Variants in UVSSA observed in about 807,000 individuals in gnomAD.
UVSSA encodes UV-stimulated scaffold protein A.
In UVSSA, 72 loss-of-function variants were observed where a neutral mutation model predicts 73.9. The ratio of observed to expected loss-of-function variants is 0.97; its 90% CI spans 0.81 to 1.19. The LOEUF (loss-of-function observed/expected upper bound fraction) is 1.19, where lower values mean the gene tolerates loss of function less well. UVSSA is among the 50% of genes most tolerant of loss of function. The probability of loss-of-function intolerance (pLI) is 0.00; values close to 1 mark genes in which losing one functional copy is unlikely to be tolerated. For synonymous variants in UVSSA, 454 were observed against 391.3 expected (o/e 1.16, Z -1.89); for missense variants, 1,150 against 965.0 (o/e 1.19, Z -2.54).
At chr4:1,359,166 G>A (rs28540746) in intron 7 of UVSSA, 22,665 of 152,258 alleles carry the variant, frequency 0.15, 1,944 homozygotes, top group African/African-American at 0.23. Flanking sequence ...CATTTGGAGT[G>A]CCTCTGAGTG....
chr4:1,367,570 C>T (rs1180390291), intron 8 of UVSSA, among the ~76,000 whole-genome samples: 1 of 152,124 alleles, frequency 6.6e-6, no homozygotes, highest in Non-Finnish European at 1.5e-5. Flanking sequence ...TGGGGCCGCC[C>T]AGGGAGGGCC....
Position 1,353,164 on chromosome 4 carries a change from TC to T in UVSSA, c.687del (p.Ser230ProfsTer85). 1 of 1,612,856 alleles carries T rather than the reference TC, an allele frequency of 6.2e-7. No individual in the cohort carries two copies. The highest frequency in any genetic ancestry group is 8.5e-7 in the Non-Finnish European group (1 of 1,179,974). On this transcript the variant is annotated frameshift_variant, in exon 5 of 14. Transcript: ENST00000389851. LOFTEE classifies it high-confidence loss of function. ...TTCTGGCATGTCCGATGCCCTTCGC[TC>T]CTCCTGCGCGGGCCAGGTGGGCCCC... The part of the protein sequence containing the change: ...MASGMSDALR[S>X]SCAGQVGPCR...
At chr4:1,360,621 C>T (rs1716490358) in intron 7 of UVSSA, among the ~76,000 whole-genome samples, 2 of 152,210 alleles carry the variant, frequency 1.3e-5, no homozygotes, top group Admixed American at 6.5e-5. Flanking sequence ...TGGGCCCTGG[C>T]TGCACTCTCC....
intron 12 of UVSSA, 70 bp from the exon 13 acceptor site, chr4:1,383,696 C>G: frequency 6.3e-7 from 1 of 1,594,122 alleles, no homozygotes; most frequent in Non-Finnish European, 8.5e-7. Flanking sequence ...AGAGCCCCTC[C>G]TGGGGGCCTC....
intron 12 of UVSSA, among the ~76,000 whole-genome samples, chr4:1,381,591 T>G (rs969409912): frequency 6.6e-6 from 1 of 152,038 alleles, no homozygotes; most frequent in African/African-American, 2.4e-5. Context: ...CTCGGGCCCA[T>G]CTGCCCACCC....
chr4:1,364,887 C>G (rs1717113929), intron 7 of UVSSA, among the ~76,000 whole-genome samples: 1 of 152,198 alleles, frequency 6.6e-6, no homozygotes, highest in Admixed American at 6.5e-5. Context: ...AATGACCGCC[C>G]TGCTGTGCTG....
chr4:1,354,796 A>C lies in UVSSA; in HGVS notation c.996A>C (p.Thr332=), dbSNP rs1257508687. Residue 332 remains threonine, a synonymous_variant, in exon 6 of 14, where the codon ACA becomes ACC. Coordinates refer to ENST00000389851, the MANE Select transcript of UVSSA (RefSeq NM_020894.4). The part of the protein sequence containing the change: ...NLALIHAARD[T]LKLIRNKFLP... The stretch of plus-strand genomic sequence containing the variant: ...CTCTCATCCACGCCGCCCGCGACAC[A>C]CTCAAGCTCATCCGGAACAAGTTCC... The C allele has an allele frequency of 6.2e-7, 1 of 1,613,036 alleles. No individual in the cohort carries two copies. Among genetic ancestry groups the C allele is most frequent in the Non-Finnish European group, 8.5e-7 (1 of 1,179,792 alleles).
exon 14 of UVSSA, chr4:1,393,064 A>G (rs923576261): frequency 1.3e-5 from 2 of 152,098 alleles, no homozygotes; most frequent in East Asian, 1.9e-4. Context: ...GACTCCAGCT[A>G]CGTGTGTTGA....
intron 8 of UVSSA, among the ~76,000 whole-genome samples, chr4:1,371,459 C>T (rs182420052): frequency 2.1e-4 from 32 of 152,194 alleles, no homozygotes; most frequent in African/African-American, 6.7e-4. Context: ...GTCAGTTCCG[C>T]GTGTGTGTTG....
At chr4:1,364,035 G>A (rs1241894786) in intron 7 of UVSSA, among the ~76,000 whole-genome samples, 35 of 40,068 alleles carry the variant, frequency 8.7e-4, no homozygotes, top group Admixed American at 2.0e-3. Flanking sequence ...GCTGGTGCCC[G>A]GGCCCCGTGG....
chr4:1,354,059 TC>T (rs1365188765), intron 5 of UVSSA, among the ~76,000 whole-genome samples: 1 of 152,182 alleles, frequency 6.6e-6, no homozygotes, highest in Admixed American at 6.5e-5. Flanking sequence ...TGAGGAACCT[TC>T]TTCTTTGGAA....
chr4:1,382,830 C>G (rs1719664449), intron 12 of UVSSA, among the ~76,000 whole-genome samples: 1 of 152,222 alleles, frequency 6.6e-6, no homozygotes, highest in African/African-American at 2.4e-5. Flanking sequence ...GTGGCCTGGT[C>G]CCACTGGCTC....
chr4:1,394,325 T>C, exon 14 of UVSSA: 2 of 1,057,472 alleles, frequency 1.9e-6, no homozygotes, highest in Non-Finnish European at 2.7e-6. Context: ...TTTTGTGTTC[T>C]ACTTAGAATG....
In UVSSA at chr4:1,349,546, C is replaced by G; in HGVS notation, c.121C>G (p.Arg41Gly). ...CAGGTCTTCAGAGGAGCAGCTGAGC[C>G]GCGCCTACCGCCTGCTGATAGCACA... ...ICKSSEEQLS[R>G]AYRLLIAQLT... The change falls in exon 3 of 14, where the codon CGC becomes GGC. Residue 41 changes from arginine to glycine, a missense_variant. By Grantham distance (125) the Arg-to-Gly change is moderately radical. Coordinates refer to ENST00000389851, the MANE Select transcript of UVSSA (RefSeq NM_020894.4). 1 of 1,613,480 alleles carries G rather than the reference C, an allele frequency of 6.2e-7. No individual in the cohort carries two copies. The highest frequency in any genetic ancestry group is 8.5e-7 in the Non-Finnish European group (1 of 1,179,830).
chr4:1,354,996 C>A, intron 6 of UVSSA, 121 bp from the exon 7 acceptor site: 2 of 1,532,860 alleles, frequency 1.3e-6, no homozygotes, highest in South Asian at 1.3e-5. Flanking sequence ...GCTTTGTCCT[C>A]TGCATCCCAG....
Position 1,353,329 on chromosome 4 carries a change from G to T in UVSSA, c.850G>T (p.Asp284Tyr). The change falls in exon 5 of 14, where the codon GAC becomes TAC. Residue 284 changes from aspartate (D) to tyrosine (Y), a missense_variant. By Grantham distance (160) the Asp-to-Tyr change is radical. Transcript: ENST00000389851. Reference protein sequence around the residue: ...QTATGDPSDEDEDSDLEEFVR... With the variant: ...QTATGDPSDEYEDSDLEEFVR... ...AGCCACAGGTGACCCCTCAGATGAG[G>T]ACGAGGACAGCGACCTCGAGGAGTT... 6.2e-7 allele frequency: 1 copy of T among 1,611,732 alleles called. No individual in the cohort carries two copies.
intron 7 of UVSSA, among the ~76,000 whole-genome samples, chr4:1,364,667 G>A (rs1175639639): frequency 4.6e-5 from 7 of 152,102 alleles, no homozygotes; most frequent in East Asian, 1.9e-4. Context: ...TCTCTCTCCC[G>A]GGAAGTTTCC....
chr4:1,380,304 C>T (rs1189700899), intron 11 of UVSSA, 74 bp downstream of exon 11: 3 of 1,512,650 alleles, frequency 2.0e-6, no homozygotes, highest in Middle Eastern at 2.3e-4. Context: ...TGCTGAGCCC[C>T]ACCTGCCCCT....
chr4:1,361,423 G>A (rs939910073), intron 7 of UVSSA, among the ~76,000 whole-genome samples: 1 of 152,058 alleles, frequency 6.6e-6, no homozygotes, highest in Non-Finnish European at 1.5e-5. Flanking sequence ...TTATAGTAAA[G>A]AACCAGTCAT....
Sources: allele counts gnomAD v4.1 joint callset (sites outside exome capture counted in the v4.1 genomes callset), GRCh38; gene constraint gnomAD v4.1.1; transcripts MANE v1.5; gene names NCBI Gene and HGNC (gene_info 2026-07-23, HGNC 2026-07-21).